The following CELF4 variants were observed in gnomAD, a reference collection of about 807,000 sequenced individuals.
The protein encoded by CELF4 is CUG-BP- and ETR-3-like factor 4.
Under a neutral mutation model 59.9 loss-of-function variants are expected in CELF4, and 18 were observed. The ratio of observed to expected loss-of-function variants is 0.30; its 90% CI spans 0.21 to 0.45. The LOEUF is 0.45. Ranked by LOEUF, CELF4 falls within the 20% of genes least tolerant of loss-of-function variation. The pLI is 1.00. For synonymous variants in CELF4, 261 were observed against 267.1 expected, an observed-to-expected ratio of 0.98 and a Z score of 0.22; for missense variants, 456 against 689.0, an observed-to-expected ratio of 0.66 and a Z score of 3.79.
At chr18:37,510,056 G>A (rs556982802) in intron 1 of CELF4, among the ~76,000 whole-genome samples, 1 of 152,322 alleles carries the variant, frequency 6.6e-6, no homozygotes, top group South Asian at 2.1e-4. Flanking sequence ...TTCCTTCTAG[G>A]ATGATGAATA....
intron 8 of CELF4, 129 bp downstream of exon 8, chr18:37,270,639 T>A: frequency 8.7e-7 from 1 of 1,149,274 alleles, no homozygotes; most frequent in East Asian, 2.6e-5. Context: ...CCCTCTCTGA[T>A]CACACTTGGG....
At chr18:37,466,135 T>C (rs979088953) in intron 2 of CELF4, among the ~76,000 whole-genome samples, 2 of 152,206 alleles carry the variant, frequency 1.3e-5, no homozygotes, top group Non-Finnish European at 2.9e-5. Context: ...TGTCTGCTCT[T>C]GATCACTGTC....
Position 37,394,104 on chromosome 18 carries a change from C to A in CELF4, c.370-72223G>T, listed in dbSNP as rs1200271210. Among the ~76,000 whole-genome samples the A allele has an allele frequency of 1.3e-5, 2 of 152,188 alleles. 1 individual carries two copies. Among genetic ancestry groups the A allele is most frequent in the South Asian group, 4.1e-4 (2 of 4,822 alleles). On this transcript the variant is annotated intron_variant, in intron 2 of 12. Transcript: ENST00000420428. ...GGCTCCGAGACCCGCGGGAGGGGCC[C>A]GCGGCAGATGCTCGGGGACCGGCCC...
At chr18:37,491,743 C>T (rs2099906267) in intron 1 of CELF4, among the ~76,000 whole-genome samples, 1 of 152,148 alleles carries the variant, frequency 6.6e-6, no homozygotes, top group South Asian at 2.1e-4. Context: ...AGGGTGCACG[C>T]AGGGGTGGCG....
intron 1 of CELF4, 45 bp downstream of exon 1, chr18:37,565,311 C>T: frequency 6.8e-7 from 1 of 1,461,870 alleles, no homozygotes. Context: ...GCCCGCCAGC[C>T]CGCTCCTGCT....
intron 2 of CELF4, among the ~76,000 whole-genome samples, chr18:37,403,255 C>T (rs886826959): frequency 1.3e-5 from 2 of 152,104 alleles, no homozygotes; most frequent in African/African-American, 2.4e-5. Context: ...CAGCAAGTTT[C>T]GCCTATAATT....
At chr18:37,399,997 G>T (rs11082003) in intron 2 of CELF4, among the ~76,000 whole-genome samples, 6 of 151,986 alleles carry the variant, frequency 3.9e-5, no homozygotes, top group Non-Finnish European at 7.4e-5. Flanking sequence ...TGAGATTGTT[G>T]GTTTTATGTA....
At chr18:37,351,416 G>T (rs1005202766) in intron 2 of CELF4, among the ~76,000 whole-genome samples, 1 of 152,104 alleles carries the variant, frequency 6.6e-6, no homozygotes, top group Non-Finnish European at 1.5e-5. Flanking sequence ...CGGGCCCAAC[G>T]TATACCAGAA....
chr18:37,371,407 G>T (rs895774872), intron 2 of CELF4, among the ~76,000 whole-genome samples: 1 of 152,338 alleles, frequency 6.6e-6, no homozygotes, highest in South Asian at 2.1e-4. Context: ...CAGGGATCCT[G>T]GCCTCAGGGG....
chr18:37,433,832 C>T (rs1016649804), intron 2 of CELF4, among the ~76,000 whole-genome samples: 14 of 152,230 alleles, frequency 9.2e-5, no homozygotes, highest in Non-Finnish European at 1.8e-4. Context: ...GTGGCAGTGT[C>T]TGGAGCCTGG....
chr18:37,550,100 T>G (rs925150912), intron 1 of CELF4, among the ~76,000 whole-genome samples: 999 of 91,336 alleles, frequency 0.011, no homozygotes, highest in Admixed American at 0.017. Context: ...GGGGGATCCG[T>G]GGGAAGAAAG....
At chr18:37,269,154 C>A (rs1309651468) in intron 8 of CELF4, among the ~76,000 whole-genome samples, 1 of 152,042 alleles carries the variant, frequency 6.6e-6, no homozygotes, top group East Asian at 1.9e-4. Flanking sequence ...TCTCTTCCAC[C>A]CCCAGCTTGC....
rs1275762842 is a variant in CELF4 at position 37,359,850 on chromosome 18, C to CT, written c.370-37970dup. Among the ~76,000 whole-genome samples the CT allele has an allele frequency of 3.6e-3, 517 of 142,056 alleles. 1 individual carries two copies. The highest frequency in any genetic ancestry group is 5.8e-3 in the Non-Finnish European group (374 of 64,892). 93.2% of individuals were successfully genotyped at this position (142,056 alleles called of 152,430 possible). A position where few individuals can be genotyped will look rare whatever the true frequency, so the allele number is the denominator to read the frequency against. On this transcript the variant is annotated intron_variant, in intron 2 of 12. Coordinates refer to ENST00000420428, the MANE Select transcript of CELF4 (RefSeq NM_020180.4). ...GCATGAGTCACCATGCCTGGGCTTT[C>CT]TTTTTTTTTTCTGGAGATGGAATCT...
intron 2 of CELF4, among the ~76,000 whole-genome samples, chr18:37,325,847 C>A (rs1257431491): frequency 6.6e-6 from 1 of 152,214 alleles, no homozygotes; most frequent in African/African-American, 2.4e-5. Context: ...TGATGGTGGT[C>A]AGCATCCAGA....
intron 2 of CELF4, among the ~76,000 whole-genome samples, chr18:37,368,129 G>A (rs79382441): frequency 0.017 from 2,591 of 152,194 alleles, 52 homozygotes; most frequent in Non-Finnish European, 0.021. Context: ...TGGGCATGGT[G>A]ACACTATATA....
intron 2 of CELF4, among the ~76,000 whole-genome samples, chr18:37,383,167 A>G (rs1230782782): frequency 2.6e-5 from 4 of 152,198 alleles, no homozygotes; most frequent in Non-Finnish European, 5.9e-5. Flanking sequence ...ACTTATAGGC[A>G]TGAGCCACTG....
chr18:37,331,140 AGC>A (rs2097528748), intron 2 of CELF4, among the ~76,000 whole-genome samples: 1 of 152,156 alleles, frequency 6.6e-6, no homozygotes, highest in Non-Finnish European at 1.5e-5. Context: ...TCAGACTTCC[AGC>A]GCTGCGCTGC....
chr18:37,485,628 C>A, intron 1 of CELF4, 21 bp from the exon 2 acceptor site: 3 of 1,405,198 alleles, frequency 2.1e-6, no homozygotes, highest in Admixed American at 2.6e-5. Context: ...AAGCAAGCGC[C>A]AAGAAGGGTC....
In CELF4 at chr18:37,408,503, G is replaced by A. The variant is rs113495385; in HGVS notation, c.369+77022C>T. On this transcript the variant is annotated intron_variant, in intron 2 of 12. Coordinates refer to ENST00000420428, the MANE Select transcript of CELF4 (RefSeq NM_020180.4). ...CCTTTGGTTGGTGCCGGGGGGGGGC[G>A]CGGTGCAGGAGGATGTGAGAGGAGG... Among the ~76,000 whole-genome samples, 117 of 30,882 alleles carry A rather than the reference G, an allele frequency of 3.8e-3. 3 individuals are homozygous for A. The highest frequency in any genetic ancestry group is 0.027 in the East Asian group (23 of 840). 20.3% of individuals were successfully genotyped at this position (30,882 alleles called of 152,430 possible). A position where few individuals can be genotyped will look rare whatever the true frequency, so the allele number is the denominator to read the frequency against.
Sources: allele counts gnomAD v4.1 joint callset (sites outside exome capture counted in the v4.1 genomes callset), GRCh38; gene constraint gnomAD v4.1.1; transcripts MANE v1.5; gene names NCBI Gene and HGNC (gene_info 2026-07-23, HGNC 2026-07-21).